TTLL11: variants seen among roughly 807,000 people sequenced by gnomAD.
TTLL11 encodes the protein tubulin tyrosine ligase like 11.
A neutral mutation model predicts 51.7 loss-of-function variants in TTLL11; 42 were observed. That is an observed-to-expected ratio of 0.81 (90% CI 0.64 to 1.05). TTLL11 has a LOEUF of 1.05. Among genes scored for constraint, TTLL11 ranks in the 50% least tolerant of loss-of-function variants. TTLL11 has a pLI of 0.00. For synonymous variants in TTLL11, 381 were observed against 383.5 expected (o/e 0.99, Z 0.08); for missense variants, 799 against 940.4 (o/e 0.85, Z 1.97).
intron 3 of TTLL11, among the ~76,000 whole-genome samples, chr9:122,003,449 T>C (rs1409663429): frequency 2.6e-5 from 4 of 152,068 alleles, no homozygotes; most frequent in Middle Eastern, 3.4e-3. Flanking sequence ...TTTACTTTTT[T>C]GCCTTCAACT....
At chr9:122,056,110 G>A (rs1845285467) in intron 1 of TTLL11, among the ~76,000 whole-genome samples, 1 of 152,192 alleles carries the variant, frequency 6.6e-6, no homozygotes, top group South Asian at 2.1e-4. Context: ...TGAGCCTGAT[G>A]TATGCACTGC....
At chr9:121,968,255 T>C (rs1842462198) in intron 6 of TTLL11, among the ~76,000 whole-genome samples, 1 of 152,198 alleles carries the variant, frequency 6.6e-6, no homozygotes, top group Non-Finnish European at 1.5e-5. Flanking sequence ...TCACTAGATA[T>C]TACAAAATGC....
intron 6 of TTLL11, among the ~76,000 whole-genome samples, chr9:121,902,824 A>C (rs1031080495): frequency 7.2e-5 from 11 of 152,110 alleles, no homozygotes; most frequent in African/African-American, 2.7e-4. Context: ...GTGGACTTCT[A>C]GTTCGTCATT....
intron 4 of TTLL11, among the ~76,000 whole-genome samples, chr9:121,988,691 C>T (rs886686140): frequency 3.3e-5 from 5 of 152,178 alleles, no homozygotes; most frequent in Admixed American, 1.3e-4. Flanking sequence ...GCACCTCAGA[C>T]GTTTCTTATT....
At chr9:121,904,470 C>T (rs1292724910) in intron 6 of TTLL11, among the ~76,000 whole-genome samples, 2 of 152,240 alleles carry the variant, frequency 1.3e-5, no homozygotes, top group Non-Finnish European at 2.9e-5. Context: ...CCACCACGCC[C>T]AGCCCAATAC....
chr9:121,953,937 G>A (rs1841938302), intron 6 of TTLL11, among the ~76,000 whole-genome samples: 1 of 152,136 alleles, frequency 6.6e-6, no homozygotes, highest in African/African-American at 2.4e-5. Context: ...CAATAATTGA[G>A]TTAACAGAAT....
chr9:121,932,599 A>G lies in TTLL11; in HGVS notation c.1481+41410T>C, dbSNP rs76423500. On this transcript the variant is annotated intron_variant, in intron 6 of 8. Coordinates refer to ENST00000321582, the MANE Select transcript of TTLL11 (RefSeq NM_001139442.2). ...CCTCAGCTGACAGCATGGAGAGCCC[A>G]TGCTATTACAAAGGCTTTCTTAACA... Among the ~76,000 whole-genome samples the G allele has an allele frequency of 5.3e-3, 808 of 152,354 alleles. 30 individuals are homozygous for G. In the East Asian group the frequency reaches 0.077, roughly 14 times the overall value.
chr9:121,897,618 G>GCGCACACACACACACACACA (rs1839576132), intron 6 of TTLL11, among the ~76,000 whole-genome samples: 2 of 136,950 alleles, frequency 1.5e-5, no homozygotes, highest in African/African-American at 5.5e-5. Flanking sequence ...TTCCCTCCAG[G>GCGCACACACACACACACACA]CACACACACA....
At chr9:122,080,244 A>C (rs949464514) in intron 1 of TTLL11, among the ~76,000 whole-genome samples, 5 of 152,202 alleles carry the variant, frequency 3.3e-5, no homozygotes, top group African/African-American at 1.2e-4. Flanking sequence ...ATTCTTCAAA[A>C]GTAAGTATTT....
At chr9:121,839,619 T>C (rs1257514929) in intron 8 of TTLL11, among the ~76,000 whole-genome samples, 1 of 151,960 alleles carries the variant, frequency 6.6e-6, no homozygotes, top group African/African-American at 2.4e-5. Flanking sequence ...GAATAAAGAG[T>C]ATTCTCATGG....
intron 6 of TTLL11, among the ~76,000 whole-genome samples, chr9:121,897,615 C>T (rs1329147443): frequency 7.0e-6 from 1 of 142,060 alleles, no homozygotes; most frequent in Non-Finnish European, 1.5e-5. Context: ...CATTTCCCTC[C>T]AGGCACACAC....
chr9:121,868,536 C>T (rs1194795236), intron 7 of TTLL11, among the ~76,000 whole-genome samples: 3 of 152,084 alleles, frequency 2.0e-5, no homozygotes, highest in Admixed American at 6.5e-5. Context: ...TGGAACTCAA[C>T]CATGATGGCT....
intron 1 of TTLL11, 48 bp downstream of exon 1, chr9:122,092,639 C>T (rs1430910172): frequency 1.3e-6 from 2 of 1,534,604 alleles, no homozygotes; most frequent in Non-Finnish European, 1.7e-6. Flanking sequence ...CTGAGGTCGT[C>T]CTGTCCACCC....
chr9:122,028,071 G>A (rs138272713), intron 3 of TTLL11, among the ~76,000 whole-genome samples: 79 of 152,274 alleles, frequency 5.2e-4, no homozygotes, highest in African/African-American at 1.9e-3. Flanking sequence ...AATGTGGTAA[G>A]TTAAAGATGC....
At chr9:122,080,527 A>C (rs10985518) in intron 1 of TTLL11, among the ~76,000 whole-genome samples, 1 of 151,664 alleles carries the variant, frequency 6.6e-6, no homozygotes, top group Non-Finnish European at 1.5e-5. Context: ...TACAAAAAAA[A>C]ATATATATAT....
chr9:122,032,951 T>C (rs1588223144), intron 2 of TTLL11, among the ~76,000 whole-genome samples: 1 of 151,874 alleles, frequency 6.6e-6, no homozygotes, highest in African/African-American at 2.4e-5. Context: ...TGTGCCACCA[T>C]GCCCGGCTAA....
intron 1 of TTLL11, among the ~76,000 whole-genome samples, chr9:122,077,853 G>GGGAGGAA (rs1162166854): frequency 6.7e-6 from 1 of 148,790 alleles, no homozygotes; most frequent in Non-Finnish European, 1.5e-5. Flanking sequence ...AAAAAAAGAT[G>GGGAGGAA]GGAGGAAGGA....
intron 4 of TTLL11, among the ~76,000 whole-genome samples, chr9:121,982,573 T>G (rs951086192): frequency 6.6e-6 from 1 of 151,924 alleles, no homozygotes; most frequent in African/African-American, 2.4e-5. Flanking sequence ...TTTTTAAAAA[T>G]TCTCTGGGCG....
chr9:122,056,840 A>G (rs184542658), intron 1 of TTLL11, among the ~76,000 whole-genome samples: 1 of 152,354 alleles, frequency 6.6e-6, no homozygotes, highest in Admixed American at 6.5e-5. Flanking sequence ...GAATGGGAGT[A>G]TAAACGGGAG....
Sources: allele counts gnomAD v4.1 joint callset (sites outside exome capture counted in the v4.1 genomes callset), GRCh38; gene constraint gnomAD v4.1.1; transcripts MANE v1.5; gene names NCBI Gene and HGNC (gene_info 2026-07-23, HGNC 2026-07-21).